The following CHD6 variants were observed in gnomAD, a reference collection of about 807,000 sequenced individuals.
CHD6 encodes chromodomain helicase DNA binding protein 6.
A neutral mutation model predicts 276.9 loss-of-function variants in CHD6; 50 were observed. That is an observed-to-expected ratio of 0.18 (90% CI 0.14 to 0.23). The LOEUF (loss-of-function observed/expected upper bound fraction) is 0.23. Among genes scored for constraint, CHD6 ranks in the 10% least tolerant of loss-of-function variants. The probability of loss-of-function intolerance (pLI) is 1.00; values close to 1 mark genes in which losing one functional copy is unlikely to be tolerated. For synonymous variants in CHD6, 1,173 were observed against 1,229.3 expected, an observed-to-expected ratio of 0.95 and a Z score of 0.96; for missense variants, 2,564 against 3,365.8, an observed-to-expected ratio of 0.76 and a Z score of 5.89.
intron 1 of CHD6, among the ~76,000 whole-genome samples, chr20:41,556,326 CTTTT>C (rs537227082): frequency 9.8e-6 from 1 of 102,238 alleles, no homozygotes; most frequent in Non-Finnish European, 2.0e-5. Flanking sequence ...GAGAGGGCAC[CTTTT>C]TTTTTTTTTT....
At chr20:41,516,446 T>A (rs1313588485) in intron 3 of CHD6, among the ~76,000 whole-genome samples, 1 of 152,148 alleles carries the variant, frequency 6.6e-6, no homozygotes, top group East Asian at 1.9e-4. Context: ...AGTGCTGAGA[T>A]TACAGGTGTG....
At chr20:41,551,461 G>GAA (rs2045145040) in intron 1 of CHD6, 101 bp from the exon 2 acceptor site, 1 of 601,924 alleles carries the variant, frequency 1.7e-6, no homozygotes, top group Non-Finnish European at 2.9e-6. Context: ...AACAAACAGG[G>GAA]GATTACTTCT....
rs1408242338 is a variant in CHD6, at chr20:41,403,745, G to A, written c.*848C>T. The A allele has an allele frequency of 9.5e-7, 1 of 1,057,344 alleles. No homozygotes were observed. Among genetic ancestry groups the A allele is most frequent in the Non-Finnish European group, 1.1e-6 (1 of 874,364 alleles). The allele number at this position is 1,057,344 out of a possible 1,614,324, so 65.5% of individuals were successfully genotyped here. A position where few individuals can be genotyped will look rare whatever the true frequency, so the allele number is the denominator to read the frequency against. On this transcript the variant is annotated 3_prime_UTR_variant, in exon 37 of 37. Transcript: ENST00000373233. ...ACAGAGAGGCAAATTAATGGCTAGA[G>A]AAATCTGTAAGCGAACCAGGTGAGA...
In CHD6 at chr20:41,452,912, T is replaced by G. The variant is rs775512857; in HGVS notation, c.3151A>C (p.Arg1051=). 10 of 1,613,852 alleles carry G rather than the reference T, an allele frequency of 6.2e-6. No individual in the cohort carries two copies. The Admixed American group carries it at 1.7e-4, about 27-fold the overall frequency. ...ESLVIDRPRV[R]KQTKHYNSFE... is the part of the protein sequence containing the mutation. ...GAGTTGTAGTGTTTGGTCTGCTTTC[T>G]CACGCGAGGTCGGTCGATCACTAAG... Residue 1051 remains arginine (R), a synonymous_variant, in exon 21 of 37, where the codon AGA becomes CGA. Coordinates refer to ENST00000373233, the MANE Select transcript of CHD6 (RefSeq NM_032221.5). This position sits in a 1 kb window ranked among gnomAD's most constrained non-coding sequence, Gnocchi z 4.2.
intron 9 of CHD6, 88 bp downstream of exon 9, chr20:41,493,770 G>C: frequency 6.4e-7 from 1 of 1,554,674 alleles, no homozygotes; most frequent in Non-Finnish European, 8.9e-7. Flanking sequence ...TGACTAGACA[G>C]GAATACCACT....
At chr20:41,471,800 G>A (rs1411448633) in intron 17 of CHD6, among the ~76,000 whole-genome samples, 3 of 152,160 alleles carry the variant, frequency 2.0e-5, no homozygotes, top group African/African-American at 2.4e-5. Context: ...TTCCCAAAGT[G>A]CTGGGATTAC....
intron 3 of CHD6, among the ~76,000 whole-genome samples, chr20:41,526,160 C>A (rs1007840026): frequency 9.3e-5 from 14 of 151,088 alleles, no homozygotes; most frequent in Middle Eastern, 6.8e-3. Flanking sequence ...AAAAAAAAAA[C>A]AAAAACCCCA....
intron 34 of CHD6, 34 bp from the exon 35 acceptor site, chr20:41,413,549 G>A (rs41278112): frequency 1.1e-5 from 16 of 1,432,584 alleles, no homozygotes; most frequent in Admixed American, 2.7e-5. Flanking sequence ...GTATAATCAC[G>A]ACACAATGAA....
At chr20:41,487,877 AT>A (rs1207029395) in intron 13 of CHD6, 69 bp from the exon 14 acceptor site, 57 of 1,539,750 alleles carry the variant, frequency 3.7e-5, no homozygotes, top group Non-Finnish European at 4.6e-5. Context: ...CGTGGGGAAA[AT>A]TAAGCCAGGG....
intron 2 of CHD6, among the ~76,000 whole-genome samples, chr20:41,538,399 T>C (rs1190030814): frequency 6.6e-6 from 1 of 152,112 alleles, no homozygotes; most frequent in Non-Finnish European, 1.5e-5. Flanking sequence ...TACTGAAACA[T>C]GCTACACCAT....
chr20:41,458,157 A>G lies in CHD6; in HGVS notation c.2665-729T>C, dbSNP rs141278724. 2.7e-3 allele frequency among the ~76,000 whole-genome samples: 415 copies of G among 152,344 alleles called. 2 individuals carry two copies. The highest frequency in any genetic ancestry group is 0.024 in the Middle Eastern group (7 of 294). On this transcript the variant is annotated intron_variant, in intron 17 of 36. Coordinates refer to ENST00000373233, the MANE Select transcript of CHD6 (RefSeq NM_032221.5). ...CATCTGAATGTACACCAAGAGGCAGATGGTATCTGGTCATCTTTCTTTTGA... is the reference window on the plus strand; with the variant it reads ...CATCTGAATGTACACCAAGAGGCAGGTGGTATCTGGTCATCTTTCTTTTGA...
intron 19 of CHD6, among the ~76,000 whole-genome samples, 156 bp from the exon 20 acceptor site, chr20:41,454,892 C>A (rs2048337938): frequency 6.6e-6 from 1 of 152,106 alleles, no homozygotes; most frequent in South Asian, 2.1e-4. Context: ...AATCTCAAGG[C>A]TATTCTTTTT....
At chr20:41,525,377 C>T (rs2146029677) in intron 3 of CHD6, among the ~76,000 whole-genome samples, 1 of 152,320 alleles carries the variant, frequency 6.6e-6, no homozygotes, top group South Asian at 2.1e-4. Flanking sequence ...TCAGCCACCT[C>T]CGCTTCTGGC....
chr20:41,480,555 G>A (rs2043271121), intron 16 of CHD6, among the ~76,000 whole-genome samples: 1 of 152,130 alleles, frequency 6.6e-6, no homozygotes, highest in African/African-American at 2.4e-5. Flanking sequence ...GTGGCATACT[G>A]GGAAGATGAG....
At chr20:41,462,425 G>A (rs1269907876) in intron 17 of CHD6, among the ~76,000 whole-genome samples, 1 of 152,194 alleles carries the variant, frequency 6.6e-6, no homozygotes, top group Non-Finnish European at 1.5e-5. Context: ...ATCCTGCTAA[G>A]TATGTATAGT....
At chr20:41,590,921 T>C (rs895184805) in intron 1 of CHD6, among the ~76,000 whole-genome samples, 4 of 151,546 alleles carry the variant, frequency 2.6e-5, no homozygotes, top group African/African-American at 9.8e-5. Context: ...GTATGTTTAC[T>C]GCAGCACTAT....
chr20:41,614,558 G>A (rs996454872), intron 1 of CHD6, among the ~76,000 whole-genome samples: 2 of 152,150 alleles, frequency 1.3e-5, no homozygotes, highest in Non-Finnish European at 2.9e-5. Context: ...AATGTAAGAG[G>A]ATGCACAGAA....
chr20:41,563,526 G>A (rs2045324492), intron 1 of CHD6, among the ~76,000 whole-genome samples: 2 of 152,152 alleles, frequency 1.3e-5, no homozygotes, highest in Admixed American at 1.3e-4. Context: ...TGATTTCAGT[G>A]ATGAGTGAGG....
At position 41,403,875 on chromosome 20, in the gene CHD6, C is replaced by G. The variant is rs1304038811; in HGVS notation, c.*718G>C. The G allele has an allele frequency of 9.5e-7, 1 of 1,057,196 alleles. No homozygotes were observed. 65.5% of individuals were successfully genotyped at this position (1,057,196 alleles called of 1,614,324 possible). ...AATAACTCATGGTGGGTAAAGCTTTCTCGCAGCAAGAGGAATCTTTTCACT... is the reference window on the plus strand; with the variant it reads ...AATAACTCATGGTGGGTAAAGCTTTGTCGCAGCAAGAGGAATCTTTTCACT... On this transcript the variant is annotated 3_prime_UTR_variant, in exon 37 of 37. Transcript: ENST00000373233.
Sources: gnomAD v4.1 joint callset for allele counts (sites outside exome capture counted in the v4.1 genomes callset) on GRCh38, gnomAD v4.1.1 for gene constraint, Gnocchi (gnomAD v3.1) non-coding constraint, MANE v1.5 for transcripts, NCBI Gene and HGNC (gene_info 2026-07-23, HGNC 2026-07-21) for gene names.